EOGT: variants seen among roughly 807,000 people sequenced by gnomAD.
EOGT encodes the protein EGF domain-specific O-linked N-acetylglucosamine transferase.
A neutral mutation model predicts 70.5 loss-of-function variants in EOGT; 55 were observed. That is an observed-to-expected ratio of 0.78 (90% CI 0.63 to 0.98). EOGT has a LOEUF of 0.98. EOGT is among the 50% of genes least tolerant of loss of function. The probability of loss-of-function intolerance (pLI) is 0.00; values close to 1 mark genes in which losing one functional copy is unlikely to be tolerated. For synonymous variants in EOGT, 246 were observed against 217.1 expected (o/e 1.13, Z -1.17); for missense variants, 703 against 641.9 (o/e 1.10, Z -1.03).
rs1290663585 is a variant in EOGT, at chr3:68,988,527, C to T, written c.975G>A (p.Gly325=). 2 of 1,533,294 alleles carry T rather than the reference C, an allele frequency of 1.3e-6. No individual in the cohort carries two copies. Among genetic ancestry groups the T allele is most frequent in the African/African-American group, 2.7e-5 (2 of 72,896 alleles). The allele number at this position is 1,533,294 out of a possible 1,614,324, so 95.0% of individuals were successfully genotyped here. A position where few individuals can be genotyped will look rare whatever the true frequency, so the allele number is the denominator to read the frequency against. Residue 325 remains glycine, a synonymous_variant, in exon 12 of 18, where the codon GGG becomes GGA. Transcript: ENST00000383701. ...VFSLLPRMRY[G]LFYNTPLISG... ...TTACCAGAGGAGTATTATAGAACAG[C>T]CCATACCTCATGCGGGGGAGTAATG...
intron 8 of EOGT, 116 bp from the exon 9 acceptor site, chr3:69,001,830 T>G: frequency 3.0e-6 from 2 of 669,726 alleles, no homozygotes; most frequent in South Asian, 3.4e-5. Context: ...GTACAGACAC[T>G]CCTATGGACA....
At chr3:69,000,217 C>T (rs984997637) in intron 9 of EOGT, among the ~76,000 whole-genome samples, 3 of 151,992 alleles carry the variant, frequency 2.0e-5, no homozygotes, top group Non-Finnish European at 4.4e-5. Context: ...CAGAGCAAGA[C>T]CTGTCTCTAA....
intron 10 of EOGT, among the ~76,000 whole-genome samples, chr3:68,993,436 C>A (rs2091053406): frequency 6.6e-6 from 1 of 152,198 alleles, no homozygotes; most frequent in African/African-American, 2.4e-5. Flanking sequence ...CAGTTCCCAA[C>A]AGGTTCCTCA....
intron 9 of EOGT, among the ~76,000 whole-genome samples, chr3:68,999,397 A>G (rs1168000337): frequency 1.3e-5 from 2 of 152,226 alleles, no homozygotes. Context: ...CATCCTGGAA[A>G]TATACAAATC....
Position 69,001,678 on chromosome 3 carries a change from G to T in EOGT, c.657C>A (p.Phe219Leu). ...AELQSYTQLNFRPIEDAKCDI... is the reference protein window; with the variant it reads ...AELQSYTQLNLRPIEDAKCDI... ...CACATTTAGCATCTTCTATAGGTCT[G>T]AAGTTGAGCTGAGTATAGCTTTGTA... The change falls in exon 9 of 18, where the codon TTC becomes TTA. Residue 219 changes from phenylalanine to leucine, a missense_variant. Transcript: ENST00000383701. The T allele has an allele frequency of 4.3e-6, 7 of 1,611,944 alleles. No homozygotes were observed. Among genetic ancestry groups the T allele is most frequent in the Non-Finnish European group, 5.9e-6 (7 of 1,179,340 alleles).
chr3:69,008,424 T>C lies in EOGT; in HGVS notation c.311+4A>G. ...TGAAGAGGGTATTCCATATGGAAACTTACCATCCCATGTCGACATAGCTGC... is the reference window on the plus strand; with the variant it reads ...TGAAGAGGGTATTCCATATGGAAACCTACCATCCCATGTCGACATAGCTGC... On this transcript the variant is annotated splice_donor_region_variant and intron_variant, in intron 5 of 17. Transcript: ENST00000383701. 1 of 1,607,946 alleles carries C rather than the reference T, an allele frequency of 6.2e-7. No homozygotes were observed. The highest frequency in any genetic ancestry group is 1.3e-5 in the African/African-American group (1 of 74,906).
At position 68,988,912 on chromosome 3, in the gene EOGT, A is replaced by G; in HGVS notation, c.924+13T>C. 1 of 1,432,424 alleles carries G rather than the reference A, an allele frequency of 7.0e-7. No individual in the cohort carries two copies. Among genetic ancestry groups the G allele is most frequent in the Non-Finnish European group, 9.4e-7 (1 of 1,061,712 alleles). The allele number at this position is 1,432,424 out of a possible 1,614,324, so 88.7% of individuals were successfully genotyped here. A position where few individuals can be genotyped will look rare whatever the true frequency, so the allele number is the denominator to read the frequency against. On this transcript the variant is annotated intron_variant, in intron 11 of 17. Transcript: ENST00000383701. ...AGAAATATTCACAGACATTTCAGGA[A>G]AATTTCCAGTACCCTTTTGGAATCA...
intron 16 of EOGT, 103 bp downstream of exon 16, chr3:68,979,565 G>C (rs1330445644): frequency 1.6e-6 from 2 of 1,265,076 alleles, no homozygotes; most frequent in African/African-American, 3.1e-5. Flanking sequence ...TTCTCTTTTT[G>C]AATGATTAAA....
chr3:69,009,642 A>G lies in EOGT; in HGVS notation c.205T>C (p.Tyr69His), dbSNP rs943447490. The change falls in exon 4 of 18, where the codon TAT becomes CAT. Residue 69 changes from tyrosine (Y) to histidine (H), a missense_variant. Physicochemically the swap from Tyr to His is moderately conservative, Grantham distance 83. Coordinates refer to ENST00000383701, the MANE Select transcript of EOGT (RefSeq NM_001278689.2). ...TVCRKDSLCP[Y>H]KKHLEKLKYC... ...AGAAAAGAAATAATACCTACCTTAT[A>G]TGGACAAAGAGAGTCTTTCCTACAG... The G allele has an allele frequency of 1.2e-6, 2 of 1,611,098 alleles. No homozygotes were observed. The highest frequency in any genetic ancestry group is 2.7e-5 in the African/African-American group (2 of 74,882).
intron 15 of EOGT, among the ~76,000 whole-genome samples, chr3:68,981,510 G>A (rs1055046361): frequency 2.0e-5 from 3 of 152,198 alleles, no homozygotes; most frequent in Non-Finnish European, 2.9e-5. Flanking sequence ...GGTGGACATG[G>A]AGACAGAAGT....
intron 7 of EOGT, among the ~76,000 whole-genome samples, chr3:69,004,890 C>G (rs1438229188): frequency 6.6e-6 from 1 of 151,906 alleles, no homozygotes; most frequent in Non-Finnish European, 1.5e-5. Context: ...GTTAGAAGAC[C>G]CCATCTCTTC....
intron 10 of EOGT, among the ~76,000 whole-genome samples, chr3:68,992,267 C>G (rs1457592928): frequency 6.6e-6 from 1 of 152,194 alleles, no homozygotes; most frequent in African/African-American, 2.4e-5. Flanking sequence ...TCTGTAAAAA[C>G]AAAAGCAAGC....
At chr3:69,000,608 T>A (rs2091270451) in intron 9 of EOGT, among the ~76,000 whole-genome samples, 1 of 152,154 alleles carries the variant, frequency 6.6e-6, no homozygotes, top group South Asian at 2.1e-4. Flanking sequence ...TTCTGAAATA[T>A]TTGTGACAGA....
chr3:69,008,656 C>A lies in EOGT; in HGVS notation c.211-128G>T, dbSNP rs995316185. ...ACATTTATAATACGTATTCTTATAACAATAAATTTAAAACTTACAGTTAAT... is the reference window on the plus strand; with the variant it reads ...ACATTTATAATACGTATTCTTATAAAAATAAATTTAAAACTTACAGTTAAT... On this transcript the variant is annotated intron_variant, in intron 4 of 17. Coordinates refer to ENST00000383701, the MANE Select transcript of EOGT (RefSeq NM_001278689.2). The A allele has an allele frequency of 2.9e-5, 19 of 660,028 alleles. No individual in the cohort carries two copies. In the African/African-American group the frequency reaches 3.5e-4, roughly 12 times the overall value. The allele number at this position is 660,028 out of a possible 1,614,324, so 40.9% of individuals were successfully genotyped here.
chr3:69,004,362 G>A lies in EOGT; in HGVS notation c.620+16C>T, dbSNP rs370215381. 3.0e-5 allele frequency: 47 copies of A among 1,585,608 alleles called. No individual in the cohort carries two copies. The highest frequency in any genetic ancestry group is 1.7e-4 in the Middle Eastern group (1 of 6,020). Reference sequence around the variant, plus strand: ...AGGCAAATATTTCCGAAACAGATACGTTAAAAATATCTTACCATGACTGCA... The same window carrying A: ...AGGCAAATATTTCCGAAACAGATACATTAAAAATATCTTACCATGACTGCA... On this transcript the variant is annotated intron_variant, in intron 8 of 17. Coordinates refer to ENST00000383701, the MANE Select transcript of EOGT (RefSeq NM_001278689.2).
intron 15 of EOGT, among the ~76,000 whole-genome samples, chr3:68,980,490 C>T (rs1392088047): frequency 6.6e-6 from 1 of 152,174 alleles, no homozygotes; most frequent in East Asian, 1.9e-4. Context: ...AAACAATTCA[C>T]TGAGGTGAGG....
At chr3:69,007,445 G>A (rs2091462786) in intron 6 of EOGT, among the ~76,000 whole-genome samples, 1 of 143,436 alleles carries the variant, frequency 7.0e-6, no homozygotes. Context: ...TTGAGGTCAG[G>A]AGTTCGCGAT....
intron 10 of EOGT, among the ~76,000 whole-genome samples, chr3:68,989,732 G>C (rs994528557): frequency 4.9e-5 from 6 of 121,612 alleles, no homozygotes; most frequent in Non-Finnish European, 8.1e-5. Context: ...TGGGCAACAA[G>C]AGCGAAACTC....
In EOGT at chr3:68,975,286, TC is replaced by T. The variant is rs961060747; in HGVS notation, c.*2331del. Reference sequence around the variant, plus strand: ...TACCCAAAACATACAATGAAATACATCCCTGTTAAAGACTTAATAAAAAGAG... The same window carrying T: ...TACCCAAAACATACAATGAAATACATCCTGTTAAAGACTTAATAAAAAGAG... On this transcript the variant is annotated 3_prime_UTR_variant, in exon 18 of 18. Coordinates refer to ENST00000383701, the MANE Select transcript of EOGT (RefSeq NM_001278689.2). 5 of 152,612 alleles carry T rather than the reference TC, an allele frequency of 3.3e-5. No homozygotes were observed. Among genetic ancestry groups the T allele is most frequent in the African/African-American group, 1.2e-4 (5 of 41,450 alleles). 9.5% of individuals were successfully genotyped at this position (152,612 alleles called of 1,614,324 possible).
Sources: gnomAD v4.1 joint callset for allele counts (sites outside exome capture counted in the v4.1 genomes callset) on GRCh38, gnomAD v4.1.1 for gene constraint, MANE v1.5 for transcripts, NCBI Gene and HGNC (gene_info 2026-07-23, HGNC 2026-07-21) for gene names.